Variants in KIF26B observed in about 807,000 individuals in gnomAD.
The protein encoded by KIF26B is kinesin-like protein KIF26B.
KIF26B carries 63 observed loss-of-function variants against 151.2 expected under a neutral mutation model. That is an observed-to-expected ratio of 0.42 (90% CI 0.34 to 0.51). The LOEUF (loss-of-function observed/expected upper bound fraction) is 0.51, where lower values mean the gene tolerates loss of function less well. Ranked by LOEUF, KIF26B falls within the 20% of genes least tolerant of loss-of-function variation. KIF26B has a pLI of 0.07. For missense variants in KIF26B, 2,813 were observed against 2,913.6 expected (o/e 0.97, Z 0.79); for synonymous variants, 1,357 against 1,262.1 (o/e 1.08, Z -1.59).
At chr1:245,334,457 T>C (rs1167160522) in intron 2 of KIF26B, among the ~76,000 whole-genome samples, 1 of 152,216 alleles carries the variant, frequency 6.6e-6, no homozygotes, top group Non-Finnish European at 1.5e-5. Context: ...ACAGATGTCT[T>C]CTGCAAAGAG....
chr1:245,684,567 G>C (rs1390772445), intron 11 of KIF26B, among the ~76,000 whole-genome samples, 172 bp downstream of exon 11: 39 of 152,152 alleles, frequency 2.6e-4, no homozygotes, highest in Non-Finnish European at 1.5e-5. Context: ...GGAAACCTTG[G>C]GGCTGATACA....
At chr1:245,334,681 CAG>C (rs1164084327) in intron 2 of KIF26B, among the ~76,000 whole-genome samples, 2 of 152,188 alleles carry the variant, frequency 1.3e-5, no homozygotes, top group Non-Finnish European at 2.9e-5. Context: ...GGAACAGAAA[CAG>C]AAACAATCAA....
At chr1:245,196,311 T>C (rs1437499407) in intron 2 of KIF26B, among the ~76,000 whole-genome samples, 3 of 152,150 alleles carry the variant, frequency 2.0e-5, no homozygotes, top group African/African-American at 4.8e-5. Context: ...CTACCTGGGC[T>C]CCCTAAGTCC....
chr1:245,556,328 CCTTCTTCCTCCTTCCTCCCT>C (rs1267015603), intron 5 of KIF26B, among the ~76,000 whole-genome samples: 2,396 of 123,224 alleles, frequency 0.019, 50 homozygotes, highest in Middle Eastern at 0.1. Context: ...TCTTCTTCCT[CCTTCTTCCTCCTTCCTCCCT>C]CCTCCTCCTC....
rs1467742932 is a variant in KIF26B, at chr1:245,702,044, A to G, written c.6179-414A>G. 6.6e-6 allele frequency among the ~76,000 whole-genome samples: 1 copy of G among 152,236 alleles called. No homozygotes were observed. Reference sequence around the variant, plus strand: ...GAAACGTCCTTTCATATAAGGAAGCAGAGGTATAAATGTCACTCAACTGAG... The same window carrying G: ...GAAACGTCCTTTCATATAAGGAAGCGGAGGTATAAATGTCACTCAACTGAG... On this transcript the variant is annotated intron_variant, in intron 14 of 14. Transcript: ENST00000407071. This position sits in a 1 kb window ranked among gnomAD's most constrained non-coding sequence, Gnocchi z 4.1.
In KIF26B at chr1:245,607,748, C is replaced by T. The variant is rs543777126; in HGVS notation, c.1651+4C>T. 4.6e-5 allele frequency: 74 copies of T among 1,609,076 alleles called. No homozygotes were observed. The highest frequency in any genetic ancestry group is 5.4e-5 in the Non-Finnish European group (63 of 1,177,468). On this transcript the variant is annotated splice_donor_region_variant and intron_variant, in intron 7 of 14. Coordinates refer to ENST00000407071, the MANE Select transcript of KIF26B (RefSeq NM_018012.4). ...TGTTTCGGCCACGCCAAACTGGGTT[C>T]GTGAGAGTTTCACTTTCTCATGCGG...
intron 2 of KIF26B, among the ~76,000 whole-genome samples, chr1:245,232,268 A>G (rs752618845): frequency 4.7e-4 from 71 of 152,230 alleles, no homozygotes; most frequent in Non-Finnish European, 9.3e-4. Flanking sequence ...CAAGTAATTA[A>G]TGGAGCTTGG....
At chr1:245,302,232 C>T (rs1382020969) in intron 2 of KIF26B, among the ~76,000 whole-genome samples, 6 of 152,110 alleles carry the variant, frequency 3.9e-5, no homozygotes, top group East Asian at 3.9e-4. Context: ...TCAAAGCAAC[C>T]GGATTATGTT....
At chr1:245,223,676 C>T (rs1239440410) in intron 2 of KIF26B, among the ~76,000 whole-genome samples, 2 of 152,234 alleles carry the variant, frequency 1.3e-5, no homozygotes, top group Non-Finnish European at 2.9e-5. Context: ...CATAGCACAG[C>T]AGTTCTGCAA....
rs1672579679 is a variant in KIF26B, at chr1:245,352,066, A to T, written c.466-14768A>T. Among the ~76,000 whole-genome samples the T allele has an allele frequency of 6.6e-6, 1 of 152,218 alleles. No homozygotes were observed. Among genetic ancestry groups the T allele is most frequent in the Non-Finnish European group, 1.5e-5 (1 of 68,028 alleles). On this transcript the variant is annotated intron_variant, in intron 2 of 14. Transcript: ENST00000407071. The surrounding 1 kb of genome is among the most constrained non-coding windows in gnomAD (Gnocchi z 5.0). ...GTTTTAGAATGTGGCTGTGTGTGTG[A>T]GAGAGATCGTCCCTCAATCTTTCAT...
chr1:245,631,937 A>G (rs2043785331), intron 9 of KIF26B, among the ~76,000 whole-genome samples: 1 of 151,430 alleles, frequency 6.6e-6, no homozygotes, highest in African/African-American at 2.4e-5. Flanking sequence ...TAAAATTTGG[A>G]TCTTTTTTCT....
At chr1:245,243,716 T>C (rs533979063) in intron 2 of KIF26B, among the ~76,000 whole-genome samples, 4 of 151,990 alleles carry the variant, frequency 2.6e-5, no homozygotes, top group Non-Finnish European at 5.9e-5. Context: ...CCAGGCATGG[T>C]GGCACACGCC....
At chr1:245,573,367 CA>C (rs2043083966) in intron 5 of KIF26B, among the ~76,000 whole-genome samples, 1 of 151,958 alleles carries the variant, frequency 6.6e-6, no homozygotes, top group South Asian at 2.1e-4. Flanking sequence ...ACTAAAAATA[CA>C]AAAAATTAGC....
chr1:245,661,453 C>T (rs764178866), intron 10 of KIF26B, among the ~76,000 whole-genome samples: 20 of 151,974 alleles, frequency 1.3e-4, no homozygotes, highest in East Asian at 3.9e-4. Context: ...CTTCTGAGGA[C>T]GCTGAGGAAT....
At chr1:245,277,636 A>G (rs1256189012) in intron 2 of KIF26B, among the ~76,000 whole-genome samples, 1 of 151,950 alleles carries the variant, frequency 6.6e-6, no homozygotes. Flanking sequence ...ACAAACAAAA[A>G]CCACTTAAAA....
intron 2 of KIF26B, among the ~76,000 whole-genome samples, chr1:245,314,422 AG>A: frequency 6.6e-6 from 1 of 152,340 alleles, no homozygotes; most frequent in South Asian, 2.1e-4. Context: ...ACTGCACTCC[AG>A]CCTGGGCGAC....
At chr1:245,567,234 G>A (rs2043018930) in intron 5 of KIF26B, among the ~76,000 whole-genome samples, 2 of 152,244 alleles carry the variant, frequency 1.3e-5, no homozygotes, top group Non-Finnish European at 2.9e-5. Flanking sequence ...ATGCTGCCGG[G>A]TGGACTGTGA....
chr1:245,629,573 C>T (rs1203949636), intron 9 of KIF26B, among the ~76,000 whole-genome samples: 4 of 152,126 alleles, frequency 2.6e-5, no homozygotes, highest in Non-Finnish European at 4.4e-5. Flanking sequence ...CCCTTCCTTA[C>T]ACCTTATAAA....
At chr1:245,259,736 A>T (rs1414047801) in intron 2 of KIF26B, among the ~76,000 whole-genome samples, 1 of 152,130 alleles carries the variant, frequency 6.6e-6, no homozygotes, top group Non-Finnish European at 1.5e-5. Flanking sequence ...GTTCAAGACC[A>T]GGCTGGGCCA....
Sources: gnomAD v4.1 joint callset for allele counts (sites outside exome capture counted in the v4.1 genomes callset) on GRCh38, gnomAD v4.1.1 for gene constraint, Gnocchi (gnomAD v3.1) non-coding constraint, MANE v1.5 for transcripts, NCBI Gene and HGNC (gene_info 2026-07-23, HGNC 2026-07-21) for gene names.